Variants in AJAP1 observed in about 807,000 individuals in gnomAD.
AJAP1 encodes adherens junction-associated protein 1.
A neutral mutation model predicts 35.0 loss-of-function variants in AJAP1; 5 were observed. The observed-to-expected ratio is 0.14, with a 90% CI of 0.07 to 0.30. The LOEUF is 0.30. Among genes scored for constraint, AJAP1 ranks in the 10% least tolerant of loss-of-function variants. AJAP1 has a pLI of 1.00. For synonymous variants in AJAP1, 284 were observed against 249.3 expected, an observed-to-expected ratio of 1.14 and a Z score of -1.31; for missense variants, 586 against 571.0, an observed-to-expected ratio of 1.03 and a Z score of -0.27.
chr1:4,772,373 G>C lies in AJAP1; in HGVS notation c.1011G>C (p.Ser337=). ...GCCAGAACCTCACGGACTTCCCCTCGGCCCGGGTGCCCAGCAGCCTGGACA... is the reference window on the plus strand; with the variant it reads ...GCCAGAACCTCACGGACTTCCCCTCCGCCCGGGTGCCCAGCAGCCTGGACA... ...ESCQNLTDFP[S]ARVPSSLDIF... The change falls in exon 4 of 6, where the codon TCG becomes TCC. Residue 337 remains serine (S), a synonymous_variant. Transcript: ENST00000378191. The C allele has an allele frequency of 1.2e-6, 2 of 1,614,206 alleles. No individual in the cohort carries two copies. Among genetic ancestry groups the C allele is most frequent in the Non-Finnish European group, 1.7e-6 (2 of 1,180,044 alleles).
intron 1 of AJAP1, among the ~76,000 whole-genome samples, chr1:4,662,747 A>G (rs1311522001): frequency 2.0e-5 from 3 of 152,252 alleles, no homozygotes; most frequent in Non-Finnish European, 4.4e-5. Flanking sequence ...AACTCCCTAC[A>G]CACAAGCCAT....
At chr1:4,661,977 A>G (rs1344935017) in intron 1 of AJAP1, among the ~76,000 whole-genome samples, 5 of 152,240 alleles carry the variant, frequency 3.3e-5, no homozygotes, top group African/African-American at 1.2e-4. Context: ...GTGGAAATCA[A>G]TGAATGATCA....
In AJAP1 at chr1:4,712,524, C is replaced by T. The variant is rs750326026; in HGVS notation, c.654C>T (p.Ala218=). ...AAACACGGAAGACAACTGTGGCCGC[C>T]ACCACCACCACCACCACCACGGCCA... ...ILQTRKTTVA[A]TTTTTTTATP... The change falls in exon 2 of 6, where the codon GCC becomes GCT. Residue 218 remains alanine, a synonymous_variant. Transcript: ENST00000378191. 1.3e-6 allele frequency: 2 copies of T among 1,536,016 alleles called. No homozygotes were observed. Among genetic ancestry groups the T allele is most frequent in the South Asian group, 1.2e-5 (1 of 80,696 alleles).
chr1:4,690,448 C>A (rs1216311570), intron 1 of AJAP1, among the ~76,000 whole-genome samples: 4 of 152,208 alleles, frequency 2.6e-5, no homozygotes, highest in African/African-American at 9.6e-5. Flanking sequence ...CGTCATGGAG[C>A]CACAACCAGG....
chr1:4,776,727 A>G (rs1641947506), intron 5 of AJAP1, among the ~76,000 whole-genome samples: 1 of 152,196 alleles, frequency 6.6e-6, no homozygotes, highest in Admixed American at 6.5e-5. Flanking sequence ...GGCAAGAGAC[A>G]TGGGCGCCCC....
intron 1 of AJAP1, among the ~76,000 whole-genome samples, chr1:4,672,176 G>T (rs551477240): frequency 6.6e-5 from 10 of 152,222 alleles, no homozygotes; most frequent in Non-Finnish European, 1.3e-4. Context: ...GGAGGGAGCG[G>T]TCGGGAGTCA....
At chr1:4,745,269 C>A (rs1460745842) in intron 2 of AJAP1, among the ~76,000 whole-genome samples, 1 of 152,158 alleles carries the variant, frequency 6.6e-6, no homozygotes, top group Non-Finnish European at 1.5e-5. Context: ...GCCCTCCCAC[C>A]TCTGCCAGCA....
At chr1:4,671,277 G>A (rs1209594868) in intron 1 of AJAP1, among the ~76,000 whole-genome samples, 1 of 151,964 alleles carries the variant, frequency 6.6e-6, no homozygotes, top group Admixed American at 6.6e-5. Flanking sequence ...GCTGAGGCAG[G>A]AGAATTGTTT....
Position 4,787,713 on chromosome 1 carries a change from A to C in AJAP1, c.*5228A>C, listed in dbSNP as rs1358395768. On this transcript the variant is annotated 3_prime_UTR_variant, in exon 6 of 6. Transcript: ENST00000378191. ...TGTTGGTCCCATCTGTCAGGTTGCC[A>C]GGCCAAGCAGGTCTCAGGTCAGCCA... The C allele has an allele frequency of 6.6e-6, 3 of 456,152 alleles. No homozygotes were observed. The highest frequency in any genetic ancestry group is 1.3e-5 in the Non-Finnish European group (3 of 226,922). The allele number at this position is 456,152 out of a possible 1,614,324, so 28.3% of individuals were successfully genotyped here.
intron 1 of AJAP1, among the ~76,000 whole-genome samples, chr1:4,700,782 A>G (rs1639970505): frequency 6.6e-6 from 1 of 152,156 alleles, no homozygotes; most frequent in Admixed American, 6.5e-5. Flanking sequence ...TCACATCCTG[A>G]GTGCTGCCCA....
intron 1 of AJAP1, among the ~76,000 whole-genome samples, chr1:4,660,642 A>T (rs1638981127): frequency 6.6e-6 from 1 of 152,174 alleles, no homozygotes; most frequent in Non-Finnish European, 1.5e-5. Flanking sequence ...ACGTGTGTGT[A>T]TGTGAGTATT....
At chr1:4,745,863 C>A (rs571762962) in intron 2 of AJAP1, among the ~76,000 whole-genome samples, 8 of 152,178 alleles carry the variant, frequency 5.3e-5, no homozygotes, top group African/African-American at 1.7e-4. Context: ...CTTGGGGACA[C>A]GTGGTGGGAG....
chr1:4,737,298 C>T (rs1276230974), intron 2 of AJAP1, among the ~76,000 whole-genome samples: 4 of 152,068 alleles, frequency 2.6e-5, no homozygotes, highest in South Asian at 2.1e-4. Flanking sequence ...CTGGCTCTGC[C>T]GAGTCCCTGG....
chr1:4,711,501 G>C (rs1423855601), intron 1 of AJAP1, among the ~76,000 whole-genome samples: 1 of 152,202 alleles, frequency 6.6e-6, no homozygotes, highest in Non-Finnish European at 1.5e-5. Context: ...ACGTCCTCTC[G>C]TCGTGTGATG....
chr1:4,696,943 G>A (rs190389433), intron 1 of AJAP1, among the ~76,000 whole-genome samples: 6 of 152,160 alleles, frequency 3.9e-5, no homozygotes, highest in Non-Finnish European at 8.8e-5. Context: ...GTGTGTCTCT[G>A]CATGTTCTGT....
At chr1:4,746,119 T>C (rs1407482985) in intron 2 of AJAP1, among the ~76,000 whole-genome samples, 1 of 152,204 alleles carries the variant, frequency 6.6e-6, no homozygotes, top group Non-Finnish European at 1.5e-5. Flanking sequence ...ATGCTCCCTC[T>C]GGAGGCTCCT....
In AJAP1 at chr1:4,712,065, T is replaced by G; in HGVS notation, c.195T>G (p.Ser65Arg). 1 of 1,579,478 alleles carries G rather than the reference T, an allele frequency of 6.3e-7. No homozygotes were observed. The highest frequency in any genetic ancestry group is 1.8e-5 in the Admixed American group (1 of 55,004). ...CGCCCCGGCCGCCCCGGCTGTGGAG[T>G]TTTAGGAGTGGACAGCCAGCGCGGG... ...RSPPRPPRLW[S>R]FRSGQPARVP... is the part of the protein sequence containing the mutation. The change falls in exon 2 of 6, where the codon AGT becomes AGG. Residue 65 changes from serine to arginine, a missense_variant. Ser to Arg is a moderately radical substitution (Grantham distance 110). Transcript: ENST00000378191.
In AJAP1 at chr1:4,788,245, T is replaced by A. The variant is rs1642198909; in HGVS notation, c.*5760T>A. On this transcript the variant is annotated 3_prime_UTR_variant, in exon 6 of 6. Transcript: ENST00000378191. ...GGTTTTGAAACATGCTACCAGCCCT[T>A]CCTTCCAAAGAGCATGAAGCATGGC... 1 of 160,170 alleles carries A rather than the reference T, an allele frequency of 6.2e-6. No homozygotes were observed. Among genetic ancestry groups the A allele is most frequent in the South Asian group, 1.7e-4 (1 of 5,836 alleles). The allele number at this position is 160,170 out of a possible 1,614,324, so 9.9% of individuals were successfully genotyped here.
chr1:4,655,386 G>A lies in AJAP1; in HGVS notation c.-40G>A. On this transcript the variant is annotated 5_prime_UTR_variant, in exon 1 of 6. It introduces an in-frame stop codon into an upstream open reading frame of the 5' UTR. Transcript: ENST00000378191. The surrounding 1 kb of genome is among the most constrained non-coding windows in gnomAD (Gnocchi z 6.9). ...GCGCGGGCGCCGCGCAGATGGCCTG[G>A]GCGAGCCAGGTCTGAGGCCCCGCTC... 6.5e-7 allele frequency: 1 copy of A among 1,534,018 alleles called. No homozygotes were observed. The highest frequency in any genetic ancestry group is 8.8e-7 in the Non-Finnish European group (1 of 1,138,814).
Sources: gnomAD v4.1 joint callset for allele counts (sites outside exome capture counted in the v4.1 genomes callset) on GRCh38, gnomAD v4.1.1 for gene constraint, Gnocchi (gnomAD v3.1) non-coding constraint, MANE v1.5 for transcripts, NCBI Gene and HGNC (gene_info 2026-07-23, HGNC 2026-07-21) for gene names.